The following PARP9 variants were observed in gnomAD, a reference collection of about 807,000 sequenced individuals.
The protein encoded by PARP9 is poly(ADP-ribose) polymerase family member 9, also known as protein mono-ADP-ribosyltransferase PARP9.
PARP9 carries 48 observed loss-of-function variants against 68.8 expected under a neutral mutation model. That is an observed-to-expected ratio of 0.70 (90% CI 0.55 to 0.89). PARP9 has a LOEUF of 0.89. Among genes scored for constraint, PARP9 ranks in the 40% least tolerant of loss-of-function variants. The pLI is 0.00. For synonymous variants in PARP9, 309 were observed against 333.8 expected (o/e 0.93, Z 0.81); for missense variants, 806 against 969.3 (o/e 0.83, Z 2.24).
intron 8 of PARP9, among the ~76,000 whole-genome samples, chr3:122,539,607 CTGG>C (rs2078026673): frequency 6.8e-6 from 1 of 147,648 alleles, no homozygotes; most frequent in Admixed American, 6.9e-5. Context: ...GTTGCCCAGG[CTGG>C]AGTGCAATGG....
chr3:122,530,310 A>C (rs1038057057), intron 10 of PARP9, among the ~76,000 whole-genome samples: 1 of 152,122 alleles, frequency 6.6e-6, no homozygotes, highest in African/African-American at 2.4e-5. Flanking sequence ...GAGGCATTCT[A>C]GTCACCAGGA....
intron 9 of PARP9, 36 bp downstream of exon 9, chr3:122,536,897 AC>A (rs747628858): frequency 2.5e-6 from 4 of 1,584,966 alleles, no homozygotes; most frequent in South Asian, 2.3e-5. Flanking sequence ...TTAATTAACA[AC>A]AAAATGAGCC....
intron 7 of PARP9, among the ~76,000 whole-genome samples, chr3:122,541,230 G>C (rs2078207380): frequency 6.6e-6 from 1 of 152,146 alleles, no homozygotes; most frequent in Non-Finnish European, 1.5e-5. Flanking sequence ...AAACACCATG[G>C]CCAGTGTTTT....
intron 10 of PARP9, among the ~76,000 whole-genome samples, chr3:122,529,804 G>T (rs542576821): frequency 2.0e-5 from 3 of 150,458 alleles, no homozygotes; most frequent in African/African-American, 7.3e-5. Flanking sequence ...GCTACAAATA[G>T]GGATATTTCC....
chr3:122,532,319 G>T, intron 10 of PARP9: 1 of 985,304 alleles, frequency 1.0e-6, no homozygotes, highest in Non-Finnish European at 1.2e-6. Context: ...AGGCACAGGA[G>T]ACTGCTAATG....
chr3:122,544,208 C>T (rs955195444), intron 7 of PARP9, among the ~76,000 whole-genome samples: 3 of 152,160 alleles, frequency 2.0e-5, no homozygotes, highest in Non-Finnish European at 2.9e-5. Context: ...TGCTCAAAGC[C>T]CAGCTTAGAA....
chr3:122,556,592 T>A (rs1220723480), intron 3 of PARP9, among the ~76,000 whole-genome samples: 1 of 152,116 alleles, frequency 6.6e-6, no homozygotes. Context: ...TTCTTAAGAG[T>A]AGACCCTGAG....
At chr3:122,545,369 T>G in intron 7 of PARP9, 63 bp downstream of exon 7, 1 of 1,522,684 alleles carries the variant, frequency 6.6e-7, no homozygotes, top group Non-Finnish European at 9.1e-7. Flanking sequence ...GTTCAGATGA[T>G]CAAGAATAGA....
At chr3:122,564,372 C>T, upstream of PARP9, 1 of 1,547,298 alleles carries the variant, frequency 6.5e-7, no homozygotes, top group Non-Finnish European at 8.7e-7. Flanking sequence ...GCGGGCCGCG[C>T]CTTTACCGCC....
intron 1 of PARP9, among the ~76,000 whole-genome samples, chr3:122,562,366 A>AT (rs1221500339): frequency 2.3e-5 from 3 of 130,442 alleles, no homozygotes; most frequent in Non-Finnish European, 3.3e-5. Flanking sequence ...TTTTTTTTGT[A>AT]TTTTTTTTAG....
At chr3:122,540,431 T>C (rs1559822750) in intron 8 of PARP9, 41 bp downstream of exon 8, 2 of 1,600,870 alleles carry the variant, frequency 1.2e-6, no homozygotes, top group East Asian at 4.5e-5. Flanking sequence ...GAAGAAACAA[T>C]GGGGAGAATT....
chr3:122,564,403 C>T, upstream of PARP9: 1 of 1,594,346 alleles, frequency 6.3e-7, no homozygotes, highest in East Asian at 2.3e-5. Flanking sequence ...CCGGAGCCCC[C>T]GCGCCCTCCC....
chr3:122,557,331 T>A (rs1468086255), intron 3 of PARP9, among the ~76,000 whole-genome samples: 2 of 146,762 alleles, frequency 1.4e-5, no homozygotes, highest in African/African-American at 5.0e-5. Flanking sequence ...TGAGCACTGA[T>A]ACTGTCTGCT....
chr3:122,540,352 G>T (rs541276991), intron 8 of PARP9, 120 bp downstream of exon 8: 3 of 1,271,130 alleles, frequency 2.4e-6, no homozygotes, highest in East Asian at 2.5e-5. Flanking sequence ...CAAAGAACCA[G>T]AATGTTTGAT....
intron 10 of PARP9, chr3:122,533,006 A>G (rs2077411393): frequency 6.6e-6 from 1 of 152,176 alleles, no homozygotes; most frequent in South Asian, 2.1e-4. Context: ...ATTAAGCAAG[A>G]ATGTAATTTT....
intron 5 of PARP9, 50 bp downstream of exon 5, chr3:122,552,368 G>A: frequency 5.6e-6 from 7 of 1,258,062 alleles, no homozygotes; most frequent in South Asian, 2.9e-5. Flanking sequence ...AAAAAAAAAA[G>A]ACTGTATAGA....
At chr3:122,558,257 T>C (rs2079874063) in intron 3 of PARP9, 177 bp downstream of exon 3, 2 of 1,513,724 alleles carry the variant, frequency 1.3e-6, no homozygotes, top group East Asian at 2.3e-5. Context: ...TGAGAGAATA[T>C]GCCTGCTGGT....
At chr3:122,550,887 T>A in intron 5 of PARP9, 85 bp from the exon 6 acceptor site, 2 of 1,230,270 alleles carry the variant, frequency 1.6e-6, no homozygotes, top group South Asian at 2.7e-5. Flanking sequence ...TATTTTACAA[T>A]GTCCACCTTC....
intron 10 of PARP9, 189 bp downstream of exon 10, chr3:122,535,979 C>A (rs188222396): frequency 1.4e-6 from 2 of 1,474,868 alleles, no homozygotes; most frequent in Non-Finnish European, 1.8e-6. Flanking sequence ...ACAAAAGATA[C>A]GAAGGAAAAG....
Sources: gnomAD v4.1 joint callset for allele counts (sites outside exome capture counted in the v4.1 genomes callset) on GRCh38, gnomAD v4.1.1 for gene constraint, MANE v1.5 for transcripts, NCBI Gene and HGNC (gene_info 2026-07-23, HGNC 2026-07-21) for gene names.